GALNT13: variants seen among roughly 807,000 people sequenced by gnomAD.
GALNT13 encodes the protein polypeptide N-acetylgalactosaminyltransferase 13.
Under a neutral mutation model 64.2 loss-of-function variants are expected in GALNT13, and 28 were observed. That is an observed-to-expected ratio of 0.44 (90% CI 0.32 to 0.60). The LOEUF (loss-of-function observed/expected upper bound fraction) is 0.60, where lower values mean the gene tolerates loss of function less well. Ranked by LOEUF, GALNT13 falls within the 20% of genes least tolerant of loss-of-function variation. The pLI is 0.05. For missense variants in GALNT13, 577 were observed against 669.8 expected (o/e 0.86, Z 1.53); for synonymous variants, 214 against 224.6 (o/e 0.95, Z 0.42).
At chr2:153,539,791 T>A in the GALNT13 span, among the ~76,000 whole-genome samples, 1 of 152,002 alleles carries the variant, frequency 6.6e-6, no homozygotes, top group Admixed American at 6.5e-5. Flanking sequence ...TTTTGGTTAC[T>A]GTAGCCTTGT....
chr2:153,262,513 C>T, the GALNT13 span, among the ~76,000 whole-genome samples: 2 of 152,264 alleles, frequency 1.3e-5, no homozygotes, highest in East Asian at 3.9e-4. Context: ...AACTTTAGGC[C>T]AGTATCCGTG....
At chr2:153,726,443 G>A in the GALNT13 span, among the ~76,000 whole-genome samples, 1 of 151,952 alleles carries the variant, frequency 6.6e-6, no homozygotes, top group African/African-American at 2.4e-5. Flanking sequence ...ATATGACTTT[G>A]TGAGGCACAT....
the GALNT13 span, among the ~76,000 whole-genome samples, chr2:153,618,030 A>C: frequency 6.6e-6 from 1 of 151,342 alleles, no homozygotes; most frequent in Non-Finnish European, 1.5e-5. Context: ...ATTTATTTCT[A>C]CTGTGATCTT....
At chr2:154,253,529 G>A (rs1690202993) in intron 7 of GALNT13, among the ~76,000 whole-genome samples, 1 of 152,112 alleles carries the variant, frequency 6.6e-6, no homozygotes, top group South Asian at 2.1e-4. Flanking sequence ...AGGCACTGTA[G>A]CATGCACCTG....
the GALNT13 span, among the ~76,000 whole-genome samples, chr2:153,197,931 C>T: frequency 8.5e-5 from 13 of 152,292 alleles, no homozygotes; most frequent in East Asian, 9.7e-4. Context: ...TCAGGCTCTT[C>T]GGAGCATGCA....
the GALNT13 span, among the ~76,000 whole-genome samples, chr2:153,654,836 G>A: frequency 6.6e-6 from 1 of 152,004 alleles, no homozygotes; most frequent in African/African-American, 2.4e-5. Flanking sequence ...GGGAGCAGGT[G>A]ATCTTGGAGC....
chr2:153,272,495 C>A, the GALNT13 span, among the ~76,000 whole-genome samples: 45 of 151,874 alleles, frequency 3.0e-4, no homozygotes, highest in African/African-American at 1.1e-3. Flanking sequence ...ATATGGCCAA[C>A]AAACATATGA....
chr2:153,562,060 C>CTCTCTGTGTGTG, the GALNT13 span, among the ~76,000 whole-genome samples: 175 of 118,946 alleles, frequency 1.5e-3, 1 homozygote, highest in African/African-American at 5.6e-3. Flanking sequence ...CTCTCTCTCT[C>CTCTCTGTGTGTG]TGTGTGTGTG....
At chr2:153,400,799 A>G in the GALNT13 span, among the ~76,000 whole-genome samples, 3 of 151,706 alleles carry the variant, frequency 2.0e-5, no homozygotes, top group Admixed American at 6.6e-5. Flanking sequence ...TATTGTGTCT[A>G]TTTGATTCTT....
the GALNT13 span, among the ~76,000 whole-genome samples, chr2:153,608,841 A>C: frequency 2.0e-5 from 3 of 147,672 alleles, no homozygotes. Flanking sequence ...ATATATATTA[A>C]AAATATTTTT....
chr2:153,150,586 T>C, the GALNT13 span, among the ~76,000 whole-genome samples: 1 of 152,184 alleles, frequency 6.6e-6, no homozygotes, highest in Non-Finnish European at 1.5e-5. Context: ...GGTTTTCTTC[T>C]AGGGTTTTTA....
the GALNT13 span, among the ~76,000 whole-genome samples, chr2:153,269,740 C>A: frequency 6.6e-6 from 1 of 151,768 alleles, no homozygotes; most frequent in Non-Finnish European, 1.5e-5. Flanking sequence ...TGACACACTT[C>A]TTCATGGCTC....
At chr2:153,786,090 A>G in the GALNT13 span, among the ~76,000 whole-genome samples, 3 of 151,948 alleles carry the variant, frequency 2.0e-5, no homozygotes, top group East Asian at 4.0e-4. Flanking sequence ...CCCAGGGGCA[A>G]TTCCTCACTT....
At chr2:153,216,853 A>G in the GALNT13 span, among the ~76,000 whole-genome samples, 1 of 151,968 alleles carries the variant, frequency 6.6e-6, no homozygotes, top group Non-Finnish European at 1.5e-5. Context: ...TTTTGGTGTA[A>G]TATCTAAGAA....
chr2:154,259,274 C>T (rs1042913303), intron 8 of GALNT13, 136 bp downstream of exon 8: 16 of 641,842 alleles, frequency 2.5e-5, no homozygotes, highest in Non-Finnish European at 3.6e-5. Context: ...TCTTAATTCA[C>T]ATTTTGATTT....
At chr2:154,347,872 C>G (rs1320157579) in intron 9 of GALNT13, among the ~76,000 whole-genome samples, 1 of 152,160 alleles carries the variant, frequency 6.6e-6, no homozygotes, top group East Asian at 1.9e-4. Flanking sequence ...ATTAGTGGAT[C>G]TGGCTTCCTT....
chr2:154,444,662 C>T (rs1244499132), intron 12 of GALNT13, among the ~76,000 whole-genome samples: 1 of 151,906 alleles, frequency 6.6e-6, no homozygotes, highest in Non-Finnish European at 1.5e-5. Flanking sequence ...GAATCATTTC[C>T]AAAGAAATAA....
chr2:154,153,295 T>A (rs192993261), intron 4 of GALNT13, among the ~76,000 whole-genome samples: 96 of 152,286 alleles, frequency 6.3e-4, no homozygotes, highest in Middle Eastern at 6.8e-3. Flanking sequence ...TCTGGAAGTG[T>A]CTCAGAGGAG....
At chr2:153,985,156 A>C (rs765067435) in intron 3 of GALNT13, among the ~76,000 whole-genome samples, 1 of 152,038 alleles carries the variant, frequency 6.6e-6, no homozygotes, top group Non-Finnish European at 1.5e-5. Context: ...TTTTATTATC[A>C]GTTAGTATTT....
Sources: allele counts gnomAD v4.1 joint callset (sites outside exome capture counted in the v4.1 genomes callset), GRCh38; gene constraint gnomAD v4.1.1; transcripts MANE v1.5; gene names NCBI Gene and HGNC (gene_info 2026-07-23, HGNC 2026-07-21).